The following CD82 variants were observed in gnomAD, a reference collection of about 807,000 sequenced individuals.
The protein encoded by CD82 is CD82 molecule.
In CD82, 36 loss-of-function variants were observed where a neutral mutation model predicts 37.4. The observed-to-expected ratio is 0.96, with a 90% CI of 0.74 to 1.27. The LOEUF is 1.27. Ranked by LOEUF, CD82 falls within the 50% of genes most tolerant of loss-of-function variation. The pLI is 0.00. For synonymous variants in CD82, 158 were observed against 137.4 expected, an observed-to-expected ratio of 1.15 and a Z score of -1.05; for missense variants, 340 against 347.0, an observed-to-expected ratio of 0.98 and a Z score of 0.16.
chr11:44,618,966 C>A, intron 9 of CD82, 83 bp from the exon 10 acceptor site: 1 of 1,208,016 alleles, frequency 8.3e-7, no homozygotes, highest in Non-Finnish European at 1.2e-6. Context: ...CCACTTAATC[C>A]CCATGTAAAC....
At position 44,619,724 on chromosome 11, in the gene CD82, A is replaced by C. The variant is rs1853633176; in HGVS notation, c.*598A>C. 7.3e-6 allele frequency: 1 copy of C among 137,756 alleles called. No homozygotes were observed. Among genetic ancestry groups the C allele is most frequent in the Admixed American group, 8.0e-5 (1 of 12,434 alleles). 8.5% of individuals were successfully genotyped at this position (137,756 alleles called of 1,614,324 possible). On this transcript the variant is annotated 3_prime_UTR_variant, in exon 10 of 10. Coordinates refer to ENST00000227155, the MANE Select transcript of CD82 (RefSeq NM_002231.4). The stretch of plus-strand genomic sequence containing the variant: ...GGTTGCAGTGAGCTGAGATCGTGCT[A>C]CTGCACTCCAGCCTGGGGGACAGAA...
chr11:44,596,348 A>G (rs1194118060), intron 3 of CD82, among the ~76,000 whole-genome samples: 1 of 152,264 alleles, frequency 6.6e-6, no homozygotes, highest in African/African-American at 2.4e-5. Context: ...GTGCGTGGGC[A>G]CTGTAGCTCT....
chr11:44,600,989 A>T (rs1231321129), intron 4 of CD82, among the ~76,000 whole-genome samples: 1 of 152,208 alleles, frequency 6.6e-6, no homozygotes, highest in East Asian at 1.9e-4. Context: ...AGGCAGAAGG[A>T]AAGGGGCCTA....
intron 3 of CD82, chr11:44,596,747 G>A (rs969825732): frequency 2.7e-5 from 10 of 370,410 alleles, no homozygotes; most frequent in South Asian, 3.9e-5. Flanking sequence ...GAGGCAGAAC[G>A]GGCTTGTTTA....
chr11:44,595,471 T>G (rs1853209245), intron 3 of CD82, among the ~76,000 whole-genome samples: 1 of 138,572 alleles, frequency 7.2e-6, no homozygotes, highest in South Asian at 2.5e-4. Context: ...GAGCGCTGGC[T>G]TCCCTGTGTT....
Position 44,618,743 on chromosome 11 carries a change from T to A in CD82, c.726+20T>A. 6.3e-7 allele frequency: 1 copy of A among 1,597,896 alleles called. No individual in the cohort carries two copies. The highest frequency in any genetic ancestry group is 2.2e-5 in the East Asian group (1 of 44,770). On this transcript the variant is annotated intron_variant, in intron 9 of 9. Transcript: ENST00000227155. Reference sequence around the variant, plus strand: ...ATCGAGGTCTGAGCCCCCTCCCCCATCCCTTCTCCATCCCAGGTCCTCCTG... The same window carrying A: ...ATCGAGGTCTGAGCCCCCTCCCCCAACCCTTCTCCATCCCAGGTCCTCCTG...
intron 1 of CD82, among the ~76,000 whole-genome samples, chr11:44,570,945 A>G (rs2134614269): frequency 6.6e-6 from 1 of 152,276 alleles, no homozygotes; most frequent in South Asian, 2.1e-4. Flanking sequence ...GCAGACCCCC[A>G]GGTGGGCAGC....
At chr11:44,599,948 A>G (rs1432860867) in intron 3 of CD82, among the ~76,000 whole-genome samples, 1 of 152,184 alleles carries the variant, frequency 6.6e-6, no homozygotes, top group Non-Finnish European at 1.5e-5. Flanking sequence ...GATGGGAGGC[A>G]GGAGGGATTC....
At chr11:44,591,281 G>A (rs1472561812) in intron 2 of CD82, among the ~76,000 whole-genome samples, 1 of 152,196 alleles carries the variant, frequency 6.6e-6, no homozygotes, top group Admixed American at 6.5e-5. Context: ...TCCTACTTGA[G>A]ACCTTGGGCA....
chr11:44,618,554 C>T (rs1853603366), intron 8 of CD82, 86 bp from the exon 9 acceptor site: 3 of 1,231,964 alleles, frequency 2.4e-6, no homozygotes. Context: ...GGCTTCCGGG[C>T]TGGGACTGGG....
chr11:44,600,962 AC>A (rs1239741798), intron 4 of CD82, among the ~76,000 whole-genome samples: 1 of 152,084 alleles, frequency 6.6e-6, no homozygotes, highest in Non-Finnish European at 1.5e-5. Flanking sequence ...CAGTGTGGAA[AC>A]CCCTTCTTTC....
chr11:44,581,705 G>A (rs548110098), intron 1 of CD82, among the ~76,000 whole-genome samples: 24 of 152,206 alleles, frequency 1.6e-4, no homozygotes, highest in Non-Finnish European at 2.4e-4. Flanking sequence ...GAAACTGAGC[G>A]CAGAAGGGCC....
intron 6 of CD82, 107 bp downstream of exon 6, chr11:44,605,536 C>A (rs1405992463): frequency 7.8e-6 from 8 of 1,020,220 alleles, no homozygotes; most frequent in South Asian, 1.3e-5. Flanking sequence ...ACAGACAGAT[C>A]CAGTAGGTGT....
intron 7 of CD82, among the ~76,000 whole-genome samples, chr11:44,616,163 T>C (rs932788173): frequency 3.3e-5 from 5 of 151,980 alleles, no homozygotes; most frequent in African/African-American, 7.3e-5. Flanking sequence ...ACAAAGGGCA[T>C]GGGCAGCAGG....
intron 6 of CD82, among the ~76,000 whole-genome samples, chr11:44,613,775 A>T (rs1031147272): frequency 6.6e-6 from 1 of 151,988 alleles, no homozygotes; most frequent in Non-Finnish European, 1.5e-5. Context: ...GTGAACTGAG[A>T]TCCTGCCACT....
intron 7 of CD82, among the ~76,000 whole-genome samples, chr11:44,616,941 C>G (rs1374063267): frequency 6.6e-6 from 1 of 152,188 alleles, no homozygotes; most frequent in Non-Finnish European, 1.5e-5. Context: ...TCAGAGGTGC[C>G]AGCCTTTTCT....
intron 2 of CD82, among the ~76,000 whole-genome samples, chr11:44,590,760 A>C (rs1853133746): frequency 6.6e-6 from 1 of 152,082 alleles, no homozygotes; most frequent in South Asian, 2.1e-4. Context: ...TGGCAGACTG[A>C]GGCTCAGCTC....
chr11:44,581,796 C>G (rs138972742), intron 1 of CD82, among the ~76,000 whole-genome samples: 1 of 152,328 alleles, frequency 6.6e-6, no homozygotes, highest in East Asian at 1.9e-4. Context: ...GGGTGCGGTT[C>G]CCTATGAGGT....
chr11:44,584,072 C>T (rs1307970808), intron 1 of CD82, among the ~76,000 whole-genome samples: 1 of 152,112 alleles, frequency 6.6e-6, no homozygotes, highest in Admixed American at 6.5e-5. Context: ...GTGGTAGTGG[C>T]GGGATCTCCT....
Sources: gnomAD v4.1 joint callset for allele counts (sites outside exome capture counted in the v4.1 genomes callset) on GRCh38, gnomAD v4.1.1 for gene constraint, MANE v1.5 for transcripts, NCBI Gene and HGNC (gene_info 2026-07-23, HGNC 2026-07-21) for gene names.